CYRIA: variants seen among roughly 807,000 people sequenced by gnomAD.
CYRIA encodes CYFIP-related Rac1 interactor A.
Under a neutral mutation model 43.9 loss-of-function variants are expected in CYRIA, and 15 were observed. The observed-to-expected ratio is 0.34, with a 90% CI of 0.23 to 0.53. The LOEUF is 0.53. Among genes scored for constraint, CYRIA ranks in the 20% least tolerant of loss-of-function variants. CYRIA has a pLI of 0.94. For missense variants in CYRIA, 236 were observed against 394.2 expected, an observed-to-expected ratio of 0.60 and a Z score of 3.40; for synonymous variants, 117 against 136.0, an observed-to-expected ratio of 0.86 and a Z score of 0.97.
intron 3 of CYRIA, among the ~76,000 whole-genome samples, chr2:16,568,932 T>A (rs111231571): frequency 0.016 from 2,400 of 152,156 alleles, 39 homozygotes; most frequent in African/African-American, 0.041. Flanking sequence ...AAATTTTTTT[T>A]AAAAAAATCC....
intron 10 of CYRIA, among the ~76,000 whole-genome samples, chr2:16,558,387 C>T (rs1666605455): frequency 6.6e-6 from 1 of 152,134 alleles, no homozygotes; most frequent in South Asian, 2.1e-4. Context: ...CTATGGCCCT[C>T]CTGGGCATGT....
intron 1 of CYRIA, among the ~76,000 whole-genome samples, chr2:16,626,765 G>C (rs1669180909): frequency 1.3e-5 from 2 of 152,172 alleles, no homozygotes; most frequent in South Asian, 4.1e-4. Context: ...AGCAACACCA[G>C]CATGCATTTG....
At chr2:16,562,922 G>A (rs72777915) in intron 5 of CYRIA, among the ~76,000 whole-genome samples, 2,924 of 152,222 alleles carry the variant, frequency 0.019, 49 homozygotes, top group Middle Eastern at 0.034. Context: ...AAGACAGGAC[G>A]GCCCACAACT....
intron 4 of CYRIA, among the ~76,000 whole-genome samples, chr2:16,564,699 C>T (rs999890524): frequency 2.0e-5 from 3 of 151,980 alleles, no homozygotes; most frequent in African/African-American, 7.3e-5. Context: ...TGTGTATTGG[C>T]ATGCGTATAT....
chr2:16,567,097 G>A (rs183838432), intron 3 of CYRIA, among the ~76,000 whole-genome samples: 20 of 152,110 alleles, frequency 1.3e-4, no homozygotes, highest in Admixed American at 2.6e-4. Context: ...GTTTACCAGT[G>A]TTTCTCTGGG....
chr2:16,642,394 C>T (rs150426065), intron 1 of CYRIA, among the ~76,000 whole-genome samples: 8 of 152,320 alleles, frequency 5.3e-5, no homozygotes, highest in African/African-American at 1.9e-4. Flanking sequence ...TTATTTCACG[C>T]CCCAAATTCA....
chr2:16,559,597 A>C lies in CYRIA; in HGVS notation c.711-11T>G. The stretch of plus-strand genomic sequence containing the variant: ...CTACTTCTGTACTCCCTGCAAGAGA[A>C]GAAACAGCAGTGGCGTCACTTCCTT... On this transcript the variant is annotated splice_polypyrimidine_tract_variant and intron_variant, in intron 9 of 11. Coordinates refer to ENST00000381323, the MANE Select transcript of CYRIA (RefSeq NM_030797.4). 1 of 1,610,348 alleles carries C rather than the reference A, an allele frequency of 6.2e-7. No homozygotes were observed. The highest frequency in any genetic ancestry group is 8.5e-7 in the Non-Finnish European group (1 of 1,177,986).
chr2:16,618,810 C>T (rs1177398454), intron 2 of CYRIA, among the ~76,000 whole-genome samples: 2 of 152,140 alleles, frequency 1.3e-5, no homozygotes. Context: ...TGTAGCTTTC[C>T]GAGGGCTTCT....
At chr2:16,607,011 T>A (rs987170042) in intron 2 of CYRIA, among the ~76,000 whole-genome samples, 23 of 152,128 alleles carry the variant, frequency 1.5e-4, no homozygotes, top group African/African-American at 5.6e-4. Flanking sequence ...CTGAAGAATA[T>A]GAGGCCAAGA....
intron 3 of CYRIA, among the ~76,000 whole-genome samples, chr2:16,581,543 T>C (rs1667548810): frequency 6.7e-6 from 1 of 148,362 alleles, no homozygotes; most frequent in African/African-American, 2.5e-5. Flanking sequence ...TCACAGTTTC[T>C]TTTTTTTTTG....
chr2:16,602,956 C>T (rs2103479621), intron 2 of CYRIA, among the ~76,000 whole-genome samples: 1 of 152,248 alleles, frequency 6.6e-6, no homozygotes, highest in Non-Finnish European at 1.5e-5. Context: ...CTTGGCAGAG[C>T]TTGCCAGTAT....
At chr2:16,664,592 C>T (rs1210830121) in intron 1 of CYRIA, among the ~76,000 whole-genome samples, 5 of 152,160 alleles carry the variant, frequency 3.3e-5, no homozygotes, top group Admixed American at 3.3e-4. Context: ...CTCTGGTACC[C>T]AAGCCCAGAC....
intron 1 of CYRIA, among the ~76,000 whole-genome samples, chr2:16,654,229 G>A (rs1272506371): frequency 6.6e-6 from 1 of 152,186 alleles, no homozygotes; most frequent in African/African-American, 2.4e-5. Flanking sequence ...CCGAGTCTTG[G>A]TTTTGCTCTC....
At chr2:16,634,711 A>G (rs1422272548) in intron 1 of CYRIA, among the ~76,000 whole-genome samples, 1 of 152,226 alleles carries the variant, frequency 6.6e-6, no homozygotes, top group Non-Finnish European at 1.5e-5. Context: ...CAAGACTAAT[A>G]TGTGATCAGC....
chr2:16,611,371 A>C (rs955055598), intron 2 of CYRIA, among the ~76,000 whole-genome samples: 2 of 152,130 alleles, frequency 1.3e-5, no homozygotes, highest in South Asian at 4.1e-4. Context: ...CTCAAAAAAT[A>C]AATAAATAAA....
rs901213945 is a variant in CYRIA, at chr2:16,602,163, T to A, written c.-10-14034A>T. On this transcript the variant is annotated intron_variant, in intron 2 of 11. Coordinates refer to ENST00000381323, the MANE Select transcript of CYRIA (RefSeq NM_030797.4). ...CAGGGTTTATTTTCTAACATTTTTT[T>A]AAAATCTAAGACAATAATACTCATC... 1.2e-4 allele frequency among the ~76,000 whole-genome samples: 19 copies of A among 152,356 alleles called. No homozygotes were observed. The South Asian group carries it at 2.1e-3, about 17-fold the overall frequency.
At chr2:16,560,483 GCA>G (rs1452248690) in intron 9 of CYRIA, among the ~76,000 whole-genome samples, 1 of 152,116 alleles carries the variant, frequency 6.6e-6, no homozygotes, top group Non-Finnish European at 1.5e-5. Context: ...AGAATTTTGA[GCA>G]CAGATTACCA....
chr2:16,611,542 G>C (rs534568901), intron 2 of CYRIA, among the ~76,000 whole-genome samples: 1 of 152,292 alleles, frequency 6.6e-6, no homozygotes, highest in East Asian at 1.9e-4. Context: ...CTGTGATCTG[G>C]GTAAAGGCAA....
In CYRIA at chr2:16,561,012, A is replaced by G; in HGVS notation, c.688T>C (p.Cys230Arg). 1 of 1,613,796 alleles carries G rather than the reference A, an allele frequency of 6.2e-7. No homozygotes were observed. The highest frequency in any genetic ancestry group is 8.5e-7 in the Non-Finnish European group (1 of 1,179,750). Residue 230 changes from cysteine to arginine, a missense_variant, in exon 9 of 12, where the codon TGT (cysteine) becomes CGT (arginine). Around this residue, in one of 3 missense-constraint regions of CYRIA, gnomAD observed 193 missense variants for 303.9 expected, o/e 0.64. Transcript: ENST00000381323. ...TACGGAGTTTCCAGCATGACTTTACAGACACTTGTCATTGTGCTGAGGCAG... is the reference window on the plus strand; with the variant it reads ...TACGGAGTTTCCAGCATGACTTTACGGACACTTGTCATTGTGCTGAGGCAG... ...TDCLSTMTSV[C>R]KVMLETPEYR...
Sources: allele counts gnomAD v4.1 joint callset (sites outside exome capture counted in the v4.1 genomes callset), GRCh38; gene constraint gnomAD v4.1.1; regional missense constraint gnomAD v4.1.1; transcripts MANE v1.5; gene names NCBI Gene and HGNC (gene_info 2026-07-23, HGNC 2026-07-21).